The following TXNRD2 variants were observed in gnomAD, a reference collection of about 807,000 sequenced individuals.
TXNRD2 encodes the protein thioredoxin reductase 2, also known as thioredoxin reductase 2, mitochondrial.
In TXNRD2, 67 loss-of-function variants were observed where a neutral mutation model predicts 70.8. The observed-to-expected ratio is 0.95, with a 90% confidence interval of 0.78 to 1.16. The LOEUF (loss-of-function observed/expected upper bound fraction) is 1.16. Among genes scored for constraint, TXNRD2 ranks in the 50% most tolerant of loss-of-function variants. TXNRD2 has a pLI of 0.00. For synonymous variants in TXNRD2, 301 were observed against 295.8 expected (o/e 1.02, Z -0.18); for missense variants, 644 against 719.9 (o/e 0.89, Z 1.21).
At chr22:19,901,199 T>C (rs1247608824) in intron 8 of TXNRD2, among the ~76,000 whole-genome samples, 1 of 152,224 alleles carries the variant, frequency 6.6e-6, no homozygotes, top group African/African-American at 2.4e-5. Context: ...AGGCCTGGAT[T>C]GGAGCGGGGG....
chr22:19,903,364 C>T (rs1406045412), intron 8 of TXNRD2, among the ~76,000 whole-genome samples: 1 of 152,246 alleles, frequency 6.6e-6, no homozygotes, highest in African/African-American at 2.4e-5. Flanking sequence ...CAGAGCCCTG[C>T]TTTGCAGAAA....
chr22:19,889,627 A>AATTATT (rs71186634), intron 11 of TXNRD2, among the ~76,000 whole-genome samples: 5,329 of 150,360 alleles, frequency 0.035, 131 homozygotes, highest in South Asian at 0.081. Context: ...AACAAAAAAC[A>AATTATT]ATTATTATTA....
At chr22:19,877,271 C>T (rs1325103874) in intron 16 of TXNRD2, 37 bp from the exon 17 acceptor site, 1 of 1,587,504 alleles carries the variant, frequency 6.3e-7, no homozygotes, top group African/African-American at 1.3e-5. Context: ...GCGGGGTCAG[C>T]ACAGGGAGGG....
chr22:19,880,537 C>T lies in TXNRD2; in HGVS notation c.1182+85G>A, dbSNP rs563253710. 6.3e-5 allele frequency: 79 copies of T among 1,247,780 alleles called. 1 individual carries two copies. Among genetic ancestry groups the T allele is most frequent in the South Asian group, 2.2e-4 (18 of 82,356 alleles). 77.3% of individuals were successfully genotyped at this position (1,247,780 alleles called of 1,614,324 possible). A position where few individuals can be genotyped will look rare whatever the true frequency, so the allele number is the denominator to read the frequency against. On this transcript the variant is annotated intron_variant, in intron 13 of 17. Coordinates refer to ENST00000400521, the MANE Select transcript of TXNRD2 (RefSeq NM_006440.5). ...CCCACATCTACATGCAGACACACAG[C>T]GCACAAAGGCCCCTCACCCCAGAAG...
At chr22:19,933,095 G>A (rs545320736) in intron 1 of TXNRD2, among the ~76,000 whole-genome samples, 3 of 152,352 alleles carry the variant, frequency 2.0e-5, no homozygotes, top group African/African-American at 4.8e-5. Context: ...CCTGCAGCGA[G>A]CCTGCCCCAC....
intron 2 of TXNRD2, among the ~76,000 whole-genome samples, chr22:19,920,898 C>T (rs1025443029): frequency 1.3e-5 from 2 of 152,104 alleles, no homozygotes; most frequent in Admixed American, 6.6e-5. Flanking sequence ...GGCAGGAGAT[C>T]GAGAACATCC....
chr22:19,885,319 A>G (rs571906047), intron 11 of TXNRD2, among the ~76,000 whole-genome samples: 35 of 152,326 alleles, frequency 2.3e-4, no homozygotes, highest in Admixed American at 1.9e-3. Context: ...GGGACAAACC[A>G]GCTGCTGGCC....
At position 19,917,380 on chromosome 22, in the gene TXNRD2, G is replaced by A. The variant is rs115273174; in HGVS notation, c.449+763C>T. Among the ~76,000 whole-genome samples, 741 of 152,284 alleles carry A rather than the reference G, an allele frequency of 4.9e-3. 6 individuals carry two copies. Among genetic ancestry groups the A allele is most frequent in the African/African-American group, 0.017 (714 of 41,562 alleles). ...AGAGCTTGTGAGGTCCAGGTGGAGG[G>A]CAAGCAGTTGGCTTCCTGGCTCCAC... is the stretch of plus-strand genomic sequence containing the variant. On this transcript the variant is annotated intron_variant, in intron 5 of 17. Coordinates refer to ENST00000400521, the MANE Select transcript of TXNRD2 (RefSeq NM_006440.5).
chr22:19,899,858 T>C (rs1407826547), intron 8 of TXNRD2, among the ~76,000 whole-genome samples: 2 of 152,188 alleles, frequency 1.3e-5, no homozygotes, highest in Non-Finnish European at 1.5e-5. Context: ...GACACATGCA[T>C]GCACACACAT....
intron 11 of TXNRD2, among the ~76,000 whole-genome samples, chr22:19,890,464 C>A (rs1417866272): frequency 6.6e-6 from 1 of 152,212 alleles, no homozygotes; most frequent in Non-Finnish European, 1.5e-5. Flanking sequence ...ATGCCAGGGT[C>A]ACTGCTGGGC....
At chr22:19,904,609 A>G (rs58170165) in intron 8 of TXNRD2, among the ~76,000 whole-genome samples, 5,298 of 152,330 alleles carry the variant, frequency 0.035, 133 homozygotes, top group South Asian at 0.087. Context: ...TGGGCCCCAC[A>G]CAGACGTGCG....
At chr22:19,916,013 G>C in intron 5 of TXNRD2, 170 bp from the exon 6 acceptor site, 1 of 643,596 alleles carries the variant, frequency 1.6e-6, no homozygotes, top group Admixed American at 2.4e-5. Flanking sequence ...GCATGGAGGG[G>C]ATGTGGGGGC....
chr22:19,914,979 G>A (rs1940568438), intron 7 of TXNRD2: 1 of 536,638 alleles, frequency 1.9e-6, no homozygotes, highest in African/African-American at 1.9e-5. Context: ...GCGGGGCAGG[G>A]GGAGAGCAGA....
At chr22:19,895,607 T>C in intron 10 of TXNRD2, 26 bp from the exon 11 acceptor site, 2 of 1,606,198 alleles carry the variant, frequency 1.2e-6, no homozygotes, top group Non-Finnish European at 1.7e-6. Flanking sequence ...AGACAGGCCA[T>C]GAAGACCAGG....
Position 19,918,982 on chromosome 22 carries a change from G to A in TXNRD2, c.252C>T (p.Gly84=), listed in dbSNP as rs1256614334. 6.2e-7 allele frequency: 1 copy of A among 1,611,352 alleles called. No homozygotes were observed. Among genetic ancestry groups the A allele is most frequent in the South Asian group, 1.1e-5 (1 of 91,050 alleles). ...GGATGCAGCCCACGTTGACGCAGGTGCCGCCGAGGCCCCACCGGGTGCCTG... is the reference window on the plus strand; with the variant it reads ...GGATGCAGCCCACGTTGACGCAGGTACCGCCGAGGCCCCACCGGGTGCCTG... ...SPQGTRWGLG[G]TCVNVGCIPK... is the part of the protein sequence containing the mutation. Residue 84 remains glycine (G), a synonymous_variant, in exon 4 of 18, where the codon GGC becomes GGT. Coordinates refer to ENST00000400521, the MANE Select transcript of TXNRD2 (RefSeq NM_006440.5).
intron 1 of TXNRD2, among the ~76,000 whole-genome samples, chr22:19,939,920 T>C (rs1941644099): frequency 6.6e-6 from 1 of 152,162 alleles, no homozygotes; most frequent in Non-Finnish European, 1.5e-5. Context: ...AATTTGGGAA[T>C]GATTGTGTTA....
rs1480644255 is a variant in TXNRD2 at position 19,903,914 on chromosome 22, C to A, written c.663-4846G>T. Reference sequence around the variant, plus strand: ...GCAGTGGCCATTGTTCCCAGAGGGGCTCCACTGCCTGCCCAGGGTCACTGT... The same window carrying A: ...GCAGTGGCCATTGTTCCCAGAGGGGATCCACTGCCTGCCCAGGGTCACTGT... On this transcript the variant is annotated intron_variant, in intron 8 of 17. Transcript: ENST00000400521. 2.0e-5 allele frequency among the ~76,000 whole-genome samples: 3 copies of A among 152,334 alleles called. No homozygotes were observed. The East Asian group carries it at 5.8e-4, about 29-fold the overall frequency.
At chr22:19,924,000 TTC>T (rs1332777421) in intron 2 of TXNRD2, among the ~76,000 whole-genome samples, 166 of 152,006 alleles carry the variant, frequency 1.1e-3, no homozygotes, top group African/African-American at 3.9e-3. Context: ...AGGCTTTTTT[TTC>T]TTTTTTCTTT....
Position 19,917,903 on chromosome 22 carries a change from A to G in TXNRD2, c.449+240T>C, listed in dbSNP as rs534663441. ...GCCCTGGGCTCTGGCCATTCTGCCAATGTGGCCTCACTCATTCCTTGGCAG... is the reference window on the plus strand; with the variant it reads ...GCCCTGGGCTCTGGCCATTCTGCCAGTGTGGCCTCACTCATTCCTTGGCAG... On this transcript the variant is annotated intron_variant, in intron 5 of 17. Transcript: ENST00000400521. Among the ~76,000 whole-genome samples the G allele has an allele frequency of 3.9e-5, 6 of 152,248 alleles. No homozygotes were observed. In the South Asian group the frequency reaches 6.2e-4, roughly 16 times the overall value.
Sources: gnomAD v4.1 joint callset for allele counts (sites outside exome capture counted in the v4.1 genomes callset) on GRCh38, gnomAD v4.1.1 for gene constraint, MANE v1.5 for transcripts, NCBI Gene and HGNC (gene_info 2026-07-23, HGNC 2026-07-21) for gene names.